The following JPH1 variants were observed in gnomAD, a reference collection of about 807,000 sequenced individuals.
JPH1 encodes the protein junctophilin 1, also known as junctophilin-1.
In JPH1, 12 loss-of-function variants were observed where a neutral mutation model predicts 53.6. The observed-to-expected ratio is 0.22, with a 90% confidence interval of 0.14 to 0.36. JPH1 has a LOEUF of 0.36. Among genes scored for constraint, JPH1 ranks in the 10% least tolerant of loss-of-function variants. JPH1 has a pLI of 1.00. For missense variants in JPH1, 808 were observed against 905.5 expected, an observed-to-expected ratio of 0.89 and a Z score of 1.38; for synonymous variants, 375 against 363.8, an observed-to-expected ratio of 1.03 and a Z score of -0.35.
chr8:74,256,066 C>T (rs1179275879), intron 3 of JPH1, among the ~76,000 whole-genome samples: 2 of 152,172 alleles, frequency 1.3e-5, no homozygotes, highest in Non-Finnish European at 2.9e-5. Context: ...GATTATAAAT[C>T]ATGCTGCTAT....
intron 2 of JPH1, among the ~76,000 whole-genome samples, chr8:74,282,050 A>G (rs922680709): frequency 1.3e-5 from 2 of 152,206 alleles, no homozygotes; most frequent in African/African-American, 2.4e-5. Context: ...CAGGCATTAC[A>G]TAAGATCCAG....
chr8:74,271,471 A>G (rs764496500), intron 2 of JPH1, among the ~76,000 whole-genome samples: 25 of 152,246 alleles, frequency 1.6e-4, no homozygotes, highest in Non-Finnish European at 1.9e-4. Flanking sequence ...TTTCAATACA[A>G]TCATACTTGT....
At chr8:74,309,078 A>T (rs1008279973) in intron 2 of JPH1, among the ~76,000 whole-genome samples, 25 of 152,292 alleles carry the variant, frequency 1.6e-4, no homozygotes, top group African/African-American at 5.8e-4. Flanking sequence ...CCCTCCTAAG[A>T]TTACATGTCT....
intron 4 of JPH1, among the ~76,000 whole-genome samples, chr8:74,240,591 C>A (rs1312980840): frequency 6.6e-6 from 1 of 152,184 alleles, no homozygotes; most frequent in Non-Finnish European, 1.5e-5. Context: ...ACCTGTACTA[C>A]TACACACTTA....
chr8:74,277,368 C>T (rs1056200317), intron 2 of JPH1, among the ~76,000 whole-genome samples: 6 of 152,214 alleles, frequency 3.9e-5, no homozygotes, highest in African/African-American at 1.2e-4. Flanking sequence ...TTGTTACAAC[C>T]ACAGCATACC....
At chr8:74,286,915 C>G (rs962681478) in intron 2 of JPH1, among the ~76,000 whole-genome samples, 1 of 152,058 alleles carries the variant, frequency 6.6e-6, no homozygotes, top group Non-Finnish European at 1.5e-5. Context: ...CAATCATTTC[C>G]CAAGAAAATG....
intron 4 of JPH1, among the ~76,000 whole-genome samples, chr8:74,240,161 G>C (rs541345108): frequency 2.6e-4 from 40 of 151,968 alleles, no homozygotes; most frequent in African/African-American, 8.9e-4. Flanking sequence ...TGGTAGAGAC[G>C]GGGTTTCACC....
intron 2 of JPH1, among the ~76,000 whole-genome samples, chr8:74,289,591 T>TTTTGGGGAGGATTTCTACCTCCCCA (rs2131430244): frequency 6.6e-6 from 1 of 152,332 alleles, no homozygotes; most frequent in South Asian, 2.1e-4. Flanking sequence ...TCTACCTGCC[T>TTTTGGGGAGGATTTCTACCTCCCCA]AAATCCTTGT....
At chr8:74,294,233 C>T (rs1478191006) in intron 2 of JPH1, among the ~76,000 whole-genome samples, 1 of 152,196 alleles carries the variant, frequency 6.6e-6, no homozygotes, top group Non-Finnish European at 1.5e-5. Context: ...TAAAGTTCCC[C>T]ACGTGCCACC....
chr8:74,244,277 T>G (rs1420375555), intron 4 of JPH1, among the ~76,000 whole-genome samples: 1 of 152,124 alleles, frequency 6.6e-6, no homozygotes, highest in East Asian at 1.9e-4. Context: ...TGTGCTAAGC[T>G]GGTCAGGTCT....
chr8:74,304,999 A>G lies in JPH1; in HGVS notation c.1139+9862T>C, dbSNP rs1807792050. Among the ~76,000 whole-genome samples, 3 of 152,270 alleles carry G rather than the reference A, an allele frequency of 2.0e-5. No homozygotes were observed. The East Asian group carries it at 5.8e-4, about 29-fold the overall frequency. On this transcript the variant is annotated intron_variant, in intron 2 of 5. Transcript: ENST00000342232. ...CATATTATACAAACAAATGTGAAAC[A>G]GCAACTAAAACAGAAAGGTGAAATT...
At chr8:74,291,725 C>T (rs778029955) in intron 2 of JPH1, among the ~76,000 whole-genome samples, 33 of 152,126 alleles carry the variant, frequency 2.2e-4, no homozygotes, top group Non-Finnish European at 3.4e-4. Context: ...TTGGAACCAA[C>T]GCAAATGTCA....
At chr8:74,316,400 A>C (rs1193730730) in intron 1 of JPH1, among the ~76,000 whole-genome samples, 4 of 152,206 alleles carry the variant, frequency 2.6e-5, no homozygotes, top group Non-Finnish European at 4.4e-5. Flanking sequence ...CCTAGCTGCC[A>C]CTGCATTGTG....
intron 2 of JPH1, among the ~76,000 whole-genome samples, chr8:74,311,809 TGAGTTCCAATTTCATCCATG>T (rs2131461063): frequency 6.6e-6 from 1 of 152,128 alleles, no homozygotes; most frequent in Admixed American, 6.5e-5. Flanking sequence ...CTGAGAATGA[TGAGTTCCAATTTCATCCATG>T]TCCCTACAAA....
At position 74,244,810 on chromosome 8, in the gene JPH1, T is replaced by C. The variant is rs1163444841; in HGVS notation, c.1624A>G (p.Ser542Gly). Reference protein sequence around the residue: ...YSGRHHIPNPSNGELHSQYHG... With the variant: ...YSGRHHIPNPGNGELHSQYHG... ...TACTGAGAATGCAGCTCCCCGTTACTGGGGTTGGGGATGTGGTGGCGGCCA... is the reference window on the plus strand; with the variant it reads ...TACTGAGAATGCAGCTCCCCGTTACCGGGGTTGGGGATGTGGTGGCGGCCA... Residue 542 changes from serine to glycine, a missense_variant, in exon 4 of 6, where the codon AGT (serine) becomes GGT (glycine). By Grantham distance (56) the Ser-to-Gly change is moderately conservative. Around this residue, in one of 2 missense-constraint regions of JPH1, gnomAD observed 756 missense variants for 811.9 expected, o/e 0.93. Transcript: ENST00000342232. The C allele has an allele frequency of 1.2e-6, 2 of 1,614,170 alleles. No homozygotes were observed. The highest frequency in any genetic ancestry group is 4.5e-5 in the East Asian group (2 of 44,890).
At chr8:74,256,982 C>T (rs1355682126) in intron 3 of JPH1, among the ~76,000 whole-genome samples, 1 of 152,086 alleles carries the variant, frequency 6.6e-6, no homozygotes, top group African/African-American at 2.4e-5. Context: ...ATTAAATGGC[C>T]AGCCTAATTT....
rs1807043165 is a variant in JPH1, at chr8:74,237,756, A to G, written c.1906-453T>C. The stretch of plus-strand genomic sequence containing the variant: ...GCCACCTCCAAGGAACAATTCAGGG[A>G]AAACTCAAAACGAGGTTCTCTACCT... On this transcript the variant is annotated intron_variant, in intron 4 of 5. Coordinates refer to ENST00000342232, the MANE Select transcript of JPH1 (RefSeq NM_020647.4). 2.6e-5 allele frequency among the ~76,000 whole-genome samples: 4 copies of G among 152,216 alleles called. No homozygotes were observed. The South Asian group carries it at 8.3e-4, about 32-fold the overall frequency.
At chr8:74,311,618 C>T (rs1807996682) in intron 2 of JPH1, among the ~76,000 whole-genome samples, 1 of 151,544 alleles carries the variant, frequency 6.6e-6, no homozygotes, top group Non-Finnish European at 1.5e-5. Flanking sequence ...GTGTGCTGCA[C>T]CCATCAACCC....
At chr8:74,300,514 G>T (rs1166168171) in intron 2 of JPH1, among the ~76,000 whole-genome samples, 1 of 152,160 alleles carries the variant, frequency 6.6e-6, no homozygotes, top group Non-Finnish European at 1.5e-5. Flanking sequence ...AGAATAACTG[G>T]TAAGTGAGTT....
Sources: gnomAD v4.1 joint callset for allele counts (sites outside exome capture counted in the v4.1 genomes callset) on GRCh38, gnomAD v4.1.1 for gene constraint, gnomAD v4.1.1 regional missense constraint, MANE v1.5 for transcripts, NCBI Gene and HGNC (gene_info 2026-07-23, HGNC 2026-07-21) for gene names.